Variants in TRIM37 observed in about 807,000 individuals in gnomAD.
TRIM37 encodes the protein tripartite motif containing 37.
In TRIM37, 80 loss-of-function variants were observed where a neutral mutation model predicts 129.8. The observed-to-expected ratio is 0.62, with a 90% CI of 0.51 to 0.74. The LOEUF (loss-of-function observed/expected upper bound fraction) is 0.74. Ranked by LOEUF, TRIM37 falls within the 30% of genes least tolerant of loss-of-function variation. TRIM37 has a pLI of 0.00. For synonymous variants in TRIM37, 389 were observed against 387.1 expected (o/e 1.00, Z -0.06); for missense variants, 1,054 against 1,176.5 (o/e 0.90, Z 1.52).
At position 59,047,776 on chromosome 17, in the gene TRIM37, T is replaced by C. The variant is rs2039967376; in HGVS notation, c.1574A>G (p.Glu525Gly). 6.2e-7 allele frequency: 1 copy of C among 1,614,006 alleles called. No individual in the cohort carries two copies. The highest frequency in any genetic ancestry group is 1.3e-5 in the African/African-American group (1 of 74,930). ...GCCATCGAGCTGATTTACTTCATCCTCATAAACAAGATCCAGATCCAGATC... is the reference window on the plus strand; with the variant it reads ...GCCATCGAGCTGATTTACTTCATCCCCATAAACAAGATCCAGATCCAGATC... ...DGDLDLDLVY[E>G]DEVNQLDGSS... The change falls in exon 16 of 24, where the codon GAG becomes GGG. Residue 525 changes from glutamate to glycine, a missense_variant. Coordinates refer to ENST00000262294, the MANE Select transcript of TRIM37 (RefSeq NM_015294.6).
intron 22 of TRIM37, among the ~76,000 whole-genome samples, chr17:59,008,541 C>T (rs766913831): frequency 6.6e-6 from 1 of 152,062 alleles, no homozygotes; most frequent in Non-Finnish European, 1.5e-5. Flanking sequence ...TGCTGACCAG[C>T]CATTTTATAT....
At chr17:59,044,589 A>G (rs1235768790) in intron 16 of TRIM37, among the ~76,000 whole-genome samples, 1 of 152,096 alleles carries the variant, frequency 6.6e-6, no homozygotes, top group Non-Finnish European at 1.5e-5. Flanking sequence ...AACAAAACAA[A>G]ATAAAGTCAT....
intron 20 of TRIM37, 152 bp downstream of exon 20, chr17:59,017,144 A>T: frequency 1.0e-6 from 1 of 977,990 alleles, no homozygotes; most frequent in Non-Finnish European, 1.6e-6. Flanking sequence ...AGCCTGGGTG[A>T]CAAAGTGAGA....
intron 12 of TRIM37, among the ~76,000 whole-genome samples, chr17:59,057,461 G>A (rs2041058415): frequency 6.6e-6 from 1 of 152,116 alleles, no homozygotes; most frequent in Non-Finnish European, 1.5e-5. Flanking sequence ...ACCCACCTTG[G>A]CCTCCCAGTG....
rs569122517 is a variant in TRIM37, at chr17:59,037,076, T to C, written c.1753+4737A>G. On this transcript the variant is annotated intron_variant, in intron 17 of 23. Coordinates refer to ENST00000262294, the MANE Select transcript of TRIM37 (RefSeq NM_015294.6). ...GTTGCAGTGAGCCGAGATCGTGCCA[T>C]TGCACTCCAGCCTGGGCAATACAGC... is the stretch of plus-strand genomic sequence containing the variant. 1.2e-4 allele frequency among the ~76,000 whole-genome samples: 18 copies of C among 150,986 alleles called. No homozygotes were observed. The South Asian group carries it at 3.8e-3, about 32-fold the overall frequency.
At chr17:59,001,473 G>A in intron 23 of TRIM37, 125 bp downstream of exon 23, 3 of 1,045,826 alleles carry the variant, frequency 2.9e-6, no homozygotes, top group Non-Finnish European at 4.2e-6. Context: ...AAAAAAAGAA[G>A]TAGAAGCAGA....
intron 2 of TRIM37, among the ~76,000 whole-genome samples, chr17:59,100,021 C>T (rs1296109306): frequency 6.6e-6 from 1 of 152,020 alleles, no homozygotes; most frequent in East Asian, 1.9e-4. Flanking sequence ...AAGCTGGTCT[C>T]GAACTCCCGA....
At chr17:59,050,976 T>C (rs1406623803) in intron 14 of TRIM37, among the ~76,000 whole-genome samples, 1 of 151,236 alleles carries the variant, frequency 6.6e-6, no homozygotes, top group African/African-American at 2.4e-5. Flanking sequence ...CGAGACTCCT[T>C]CTCAAAAAAA....
At chr17:58,978,508 C>T (rs1176012859), downstream of TRIM37, among the ~76,000 whole-genome samples, 2 of 151,900 alleles carry the variant, frequency 1.3e-5, no homozygotes, top group African/African-American at 4.8e-5. Flanking sequence ...GTCAGGAGTT[C>T]GACGCCAGCC....
In TRIM37 at chr17:59,106,581, G is replaced by T; in HGVS notation, c.-120C>A. The T allele has an allele frequency of 3.2e-6, 4 of 1,252,730 alleles. No individual in the cohort carries two copies. Among genetic ancestry groups the T allele is most frequent in the Admixed American group, 2.0e-5 (1 of 50,988 alleles). The allele number at this position is 1,252,730 out of a possible 1,614,324, so 77.6% of individuals were successfully genotyped here. A position where few individuals can be genotyped will look rare whatever the true frequency, so the allele number is the denominator to read the frequency against. On this transcript the variant is annotated 5_prime_UTR_variant, in exon 1 of 24. Transcript: ENST00000262294. ...TAAAAGCCCGGCGCCCACGTCAGGG[G>T]GCTCTGACAACCGCCCCACCTGCGC...
rs762034625 is a variant in TRIM37 at position 59,049,333 on chromosome 17, G to T, written c.1375C>A (p.His459Asn). The T allele has an allele frequency of 1.2e-6, 2 of 1,614,064 alleles. No individual in the cohort carries two copies. Among genetic ancestry groups the T allele is most frequent in the Non-Finnish European group, 1.7e-6 (2 of 1,180,012 alleles). The change falls in exon 15 of 24, where the codon CAT becomes AAT. Residue 459 changes from histidine (H) to asparagine (N), a missense_variant. By Grantham distance (68) the His-to-Asn change is moderately conservative. Coordinates refer to ENST00000262294, the MANE Select transcript of TRIM37 (RefSeq NM_015294.6). ...GCATCATCATTTTGGGGGCTAAGAT[G>T]GTTATCTGGTGGTGACAAATCTCTT... Reference protein sequence around the residue: ...KSRDLSPPDNHLSPQNDDALE... With the variant: ...KSRDLSPPDNNLSPQNDDALE...
rs192241034 is a variant in TRIM37, at chr17:59,012,210, T to C, written c.2695+118A>G. On this transcript the variant is annotated intron_variant, in intron 22 of 23. Coordinates refer to ENST00000262294, the MANE Select transcript of TRIM37 (RefSeq NM_015294.6). ...ACCAACCACTCCCTATCCCTATCAC[T>C]ACCACCAGCAGCAGCAGCACCACCA... The C allele has an allele frequency of 0.032, 12,436 of 390,564 alleles. 192 individuals carry two copies. Among genetic ancestry groups the C allele is most frequent in the Non-Finnish European group, 0.038 (8,858 of 230,418 alleles). 24.2% of individuals were successfully genotyped at this position (390,564 alleles called of 1,614,324 possible). A position where few individuals can be genotyped will look rare whatever the true frequency, so the allele number is the denominator to read the frequency against.
chr17:59,067,023 A>T (rs910772907), intron 9 of TRIM37, among the ~76,000 whole-genome samples: 1 of 151,828 alleles, frequency 6.6e-6, no homozygotes, highest in African/African-American at 2.4e-5. Flanking sequence ...TTTTAAATTT[A>T]AATTTTATTT....
chr17:59,042,410 A>C (rs1158149677), intron 16 of TRIM37, among the ~76,000 whole-genome samples: 1 of 126,426 alleles, frequency 7.9e-6, no homozygotes. Flanking sequence ...TCTTCTTAGA[A>C]AGCTAAGAAA....
At chr17:59,042,102 C>T (rs2039226666) in intron 16 of TRIM37, among the ~76,000 whole-genome samples, 3 of 151,940 alleles carry the variant, frequency 2.0e-5, no homozygotes, top group South Asian at 2.1e-4. Context: ...ATCGGCCGGG[C>T]GCGGTGGCTC....
intron 11 of TRIM37, among the ~76,000 whole-genome samples, chr17:59,062,110 T>C (rs1473834290): frequency 6.6e-6 from 1 of 151,930 alleles, no homozygotes; most frequent in Non-Finnish European, 1.5e-5. Flanking sequence ...AGGGCTAAAA[T>C]GTGTAATAGT....
rs574092916 is a variant in TRIM37 at position 59,103,644 on chromosome 17, A to G, written c.123+649T>C. 1.1e-4 allele frequency among the ~76,000 whole-genome samples: 14 copies of G among 131,824 alleles called. 1 individual carries two copies. The East Asian group carries it at 2.3e-3, about 22-fold the overall frequency. 86.5% of individuals were successfully genotyped at this position (131,824 alleles called of 152,430 possible). A position where few individuals can be genotyped will look rare whatever the true frequency, so the allele number is the denominator to read the frequency against. On this transcript the variant is annotated intron_variant, in intron 2 of 23. Coordinates refer to ENST00000262294, the MANE Select transcript of TRIM37 (RefSeq NM_015294.6). ...CCTGGGCCACCGCGCTCAGGCCAACATTCAAGTTTTTTTTTTTTTTTTGAG... is the reference window on the plus strand; with the variant it reads ...CCTGGGCCACCGCGCTCAGGCCAACGTTCAAGTTTTTTTTTTTTTTTTGAG...
chr17:59,030,355 C>T (rs2037715139), intron 18 of TRIM37, among the ~76,000 whole-genome samples: 1 of 152,212 alleles, frequency 6.6e-6, no homozygotes, highest in African/African-American at 2.4e-5. Context: ...GATCCACCCG[C>T]CTCAGCCTCC....
chr17:59,005,488 C>A (rs567900351), intron 22 of TRIM37, among the ~76,000 whole-genome samples: 22 of 152,234 alleles, frequency 1.4e-4, no homozygotes, highest in African/African-American at 5.1e-4. Flanking sequence ...TTTCACCATA[C>A]TGGCCAAGCT....
Sources: allele counts gnomAD v4.1 joint callset (sites outside exome capture counted in the v4.1 genomes callset), GRCh38; gene constraint gnomAD v4.1.1; transcripts MANE v1.5; gene names NCBI Gene and HGNC (gene_info 2026-07-23, HGNC 2026-07-21).